Variants in GPHN observed in about 807,000 individuals in gnomAD.
GPHN encodes gephyrin.
In GPHN, 17 loss-of-function variants were observed where a neutral mutation model predicts 95.5. The observed-to-expected ratio is 0.18, with a 90% CI of 0.12 to 0.27. The LOEUF (loss-of-function observed/expected upper bound fraction) is 0.27. Ranked by LOEUF, GPHN falls within the 10% of genes least tolerant of loss-of-function variation. The pLI is 1.00. For synonymous variants in GPHN, 320 were observed against 322.5 expected (o/e 0.99, Z 0.08); for missense variants, 660 against 978.1 (o/e 0.67, Z 4.34).
At chr14:67,361,985 T>G in the GPHN span, among the ~76,000 whole-genome samples, 1 of 152,118 alleles carries the variant, frequency 6.6e-6, no homozygotes, top group East Asian at 1.9e-4. Flanking sequence ...CACTCTATAC[T>G]TAATTACTTA....
chr14:67,078,962 C>A (rs997851068), intron 11 of GPHN, among the ~76,000 whole-genome samples: 1 of 151,848 alleles, frequency 6.6e-6, no homozygotes, highest in Admixed American at 6.6e-5. Flanking sequence ...GACTTTATAC[C>A]AACTCCAAAA....
chr14:67,278,285 C>G, the GPHN span, among the ~76,000 whole-genome samples: 2 of 151,842 alleles, frequency 1.3e-5, no homozygotes, highest in Non-Finnish European at 2.9e-5. Context: ...ATCTGCCTTC[C>G]TTGGCCTCCC....
intron 3 of GPHN, among the ~76,000 whole-genome samples, chr14:66,818,516 G>C (rs188486033): frequency 6.6e-6 from 1 of 152,056 alleles, no homozygotes; most frequent in Non-Finnish European, 1.5e-5. Context: ...TGGGCATTTG[G>C]GTTGTTCCCA....
At chr14:67,687,521 GGGT>G in the GPHN span, among the ~76,000 whole-genome samples, 2 of 150,126 alleles carry the variant, frequency 1.3e-5, no homozygotes. Flanking sequence ...GCCCAGGCTG[GGGT>G]GCAATGGTAT....
intron 12 of GPHN, among the ~76,000 whole-genome samples, chr14:67,096,476 C>G (rs1418759890): frequency 6.6e-6 from 1 of 152,146 alleles, no homozygotes. Flanking sequence ...AAGAGAAATA[C>G]TTCCCACCAA....
Position 66,639,768 on chromosome 14 carries a change from A to G in GPHN, c.65-41339A>G, listed in dbSNP as rs377047772. Among the ~76,000 whole-genome samples the G allele has an allele frequency of 2.0e-4, 31 of 152,180 alleles. 1 individual carries two copies. In the East Asian group the frequency reaches 5.2e-3, roughly 26 times the overall value. Reference sequence around the variant, plus strand: ...TGTGTATATATGTAACATATAAACTATAGATGATATTTTATAAAATTTATA... The same window carrying G: ...TGTGTATATATGTAACATATAAACTGTAGATGATATTTTATAAAATTTATA... On this transcript the variant is annotated intron_variant, in intron 1 of 22. Coordinates refer to ENST00000478722, the MANE Select transcript of GPHN (RefSeq NM_020806.5).
the GPHN span, among the ~76,000 whole-genome samples, chr14:67,391,727 T>C: frequency 6.6e-6 from 1 of 152,194 alleles, no homozygotes; most frequent in Non-Finnish European, 1.5e-5. Context: ...AGAATACCCT[T>C]TTTGTTAGGC....
chr14:67,664,247 T>C, the GPHN span, among the ~76,000 whole-genome samples: 5 of 152,230 alleles, frequency 3.3e-5, no homozygotes, highest in Admixed American at 3.3e-4. Context: ...TCTCCAGAAC[T>C]TGTTTATCCT....
intron 17 of GPHN, among the ~76,000 whole-genome samples, chr14:67,129,811 G>A (rs980896464): frequency 7.3e-5 from 11 of 149,782 alleles, no homozygotes; most frequent in South Asian, 4.2e-4. Context: ...AGGGAGGGAG[G>A]GAGGAAGGAA....
intron 17 of GPHN, among the ~76,000 whole-genome samples, chr14:67,137,930 A>G (rs1161203659): frequency 6.6e-6 from 1 of 152,152 alleles, no homozygotes; most frequent in African/African-American, 2.4e-5. Flanking sequence ...TACCTAGAAA[A>G]CTTAATCTGC....
the GPHN span, among the ~76,000 whole-genome samples, chr14:67,409,887 G>A: frequency 6.6e-6 from 1 of 152,166 alleles, no homozygotes; most frequent in Admixed American, 6.5e-5. Flanking sequence ...GATATGGAGG[G>A]TTGAAAAAGT....
chr14:66,833,895 C>T (rs1269708379), intron 4 of GPHN, among the ~76,000 whole-genome samples: 4 of 152,110 alleles, frequency 2.6e-5, no homozygotes, highest in Admixed American at 6.6e-5. Context: ...TATAAAATTA[C>T]AAACTTTATA....
the GPHN span, chr14:67,587,639 C>T: frequency 4.1e-6 from 1 of 242,872 alleles, no homozygotes; most frequent in South Asian, 4.7e-5. Context: ...ACCCAGTCCA[C>T]AGGGTTCAAG....
At chr14:67,683,412 T>G in the GPHN span, among the ~76,000 whole-genome samples, 3 of 152,242 alleles carry the variant, frequency 2.0e-5, no homozygotes, top group African/African-American at 7.2e-5. Context: ...TATACATTTC[T>G]ACTTGCATGC....
intron 1 of GPHN, among the ~76,000 whole-genome samples, chr14:66,517,858 A>T (rs1459415838): frequency 1.3e-5 from 2 of 152,138 alleles, no homozygotes; most frequent in Non-Finnish European, 2.9e-5. Flanking sequence ...ACATAGGGGA[A>T]ATGTTTCAGG....
At chr14:67,647,984 G>A in the GPHN span, 14 of 1,461,340 alleles carry the variant, frequency 9.6e-6, no homozygotes, top group African/African-American at 7.0e-5. Flanking sequence ...TAAGAAGGAT[G>A]AGTGTCCAAG....
At chr14:67,087,674 A>T (rs1385357992) in intron 11 of GPHN, among the ~76,000 whole-genome samples, 1 of 152,200 alleles carries the variant, frequency 6.6e-6, no homozygotes, top group African/African-American at 2.4e-5. Flanking sequence ...ATATAAATTT[A>T]AAAATCTCTC....
At chr14:67,616,991 C>G in the GPHN span, 1 of 152,198 alleles carries the variant, frequency 6.6e-6, no homozygotes, top group African/African-American at 2.4e-5. Flanking sequence ...TGCCCTGCCT[C>G]AGCCTCCTGA....
chr14:67,708,596 T>A, the GPHN span, among the ~76,000 whole-genome samples: 1 of 152,190 alleles, frequency 6.6e-6, no homozygotes, highest in Non-Finnish European at 1.5e-5. Context: ...TAATTATTAC[T>A]GATAATGTAC....
Sources: allele counts gnomAD v4.1 joint callset (sites outside exome capture counted in the v4.1 genomes callset), GRCh38; gene constraint gnomAD v4.1.1; transcripts MANE v1.5; gene names NCBI Gene and HGNC (gene_info 2026-07-23, HGNC 2026-07-21).